ADCY8: variants seen among roughly 807,000 people sequenced by gnomAD.
ADCY8 encodes the protein adenylate cyclase 8.
Under a neutral mutation model 119.7 loss-of-function variants are expected in ADCY8, and 51 were observed. The observed-to-expected ratio is 0.43, with a 90% CI of 0.34 to 0.54. ADCY8 has a LOEUF of 0.54. Ranked by LOEUF, ADCY8 falls within the 20% of genes least tolerant of loss-of-function variation. The pLI, the probability that ADCY8 is intolerant of heterozygous loss-of-function variation, is 0.03. For synonymous variants in ADCY8, 665 were observed against 651.0 expected (o/e 1.02, Z -0.33); for missense variants, 1,383 against 1,598.8 (o/e 0.87, Z 2.30).
chr8:131,016,949 C>T lies in ADCY8; in HGVS notation c.960+22425G>A, dbSNP rs138281701. ...GAACTCTTCCTGAAGTTTCTTTAGC[C>T]CTAAGAGTAACTCTCCTATTCCTAT... is the stretch of plus-strand genomic sequence containing the variant. On this transcript the variant is annotated intron_variant, in intron 1 of 17. Transcript: ENST00000286355. 4.6e-5 allele frequency among the ~76,000 whole-genome samples: 7 copies of T among 152,028 alleles called. No individual in the cohort carries two copies. In the East Asian group the frequency reaches 1.4e-3, roughly 29 times the overall value.
At chr8:130,909,641 A>G (rs769238211) in intron 6 of ADCY8, 67 bp downstream of exon 6, 17 of 1,581,122 alleles carry the variant, frequency 1.1e-5, no homozygotes, top group East Asian at 2.2e-5. Context: ...TGTACACAGG[A>G]AACCCACTGT....
At position 130,807,233 on chromosome 8, in the gene ADCY8, C is replaced by T. The variant is rs10104692; in HGVS notation, c.2914-6661G>A. On this transcript the variant is annotated intron_variant, in intron 14 of 17. Transcript: ENST00000286355. The stretch of plus-strand genomic sequence containing the variant: ...CCTGCTCAAGCAACTCCAAGTCCTG[C>T]GTTGCTTATACCAAGTTAAGCCACC... 9.9e-3 allele frequency among the ~76,000 whole-genome samples: 1,504 copies of T among 152,322 alleles called. 24 individuals are homozygous for T. Among genetic ancestry groups the T allele is most frequent in the African/African-American group, 0.034 (1,413 of 41,572 alleles).
intron 10 of ADCY8, 147 bp downstream of exon 10, chr8:130,849,455 G>A: frequency 1.3e-6 from 1 of 788,132 alleles, no homozygotes; most frequent in Non-Finnish European, 2.0e-6. Flanking sequence ...CCACATCTTT[G>A]TTATCTGTCC....
chr8:130,887,244 T>C (rs1819021083), intron 7 of ADCY8, among the ~76,000 whole-genome samples: 1 of 152,130 alleles, frequency 6.6e-6, no homozygotes. Flanking sequence ...GCCACTTCTG[T>C]AGGATACAGA....
chr8:130,886,373 G>T (rs1034154673), intron 7 of ADCY8, among the ~76,000 whole-genome samples: 1 of 152,056 alleles, frequency 6.6e-6, no homozygotes, highest in African/African-American at 2.4e-5. Flanking sequence ...AGAAGGGCTG[G>T]AGCAGAGACA....
intron 14 of ADCY8, among the ~76,000 whole-genome samples, chr8:130,807,967 G>A (rs1283661039): frequency 2.5e-5 from 2 of 81,302 alleles, no homozygotes; most frequent in African/African-American, 8.3e-5. Flanking sequence ...CTGGGTGACA[G>A]AGCGAGACTC....
chr8:130,841,654 C>T (rs140093999), intron 11 of ADCY8, among the ~76,000 whole-genome samples: 243 of 152,288 alleles, frequency 1.6e-3, no homozygotes, highest in Admixed American at 4.2e-3. Flanking sequence ...TGATAACTGA[C>T]GAGGGAATTG....
At chr8:130,963,335 T>G (rs1586611198) in intron 2 of ADCY8, among the ~76,000 whole-genome samples, 1 of 152,086 alleles carries the variant, frequency 6.6e-6, no homozygotes, top group Non-Finnish European at 1.5e-5. Flanking sequence ...AAATGGTCAA[T>G]GAAGAAATTT....
rs1816258987 is a variant in ADCY8, at chr8:130,814,063, G to T, written c.2913+6C>A. On this transcript the variant is annotated splice_donor_region_variant and intron_variant, in intron 14 of 17. Transcript: ENST00000286355. ...TTCTCACTGGCTAGACCAGCCCCTGGCTCACCTCATTGTCTCGGTCCTTCT... is the reference window on the plus strand; with the variant it reads ...TTCTCACTGGCTAGACCAGCCCCTGTCTCACCTCATTGTCTCGGTCCTTCT... The T allele has an allele frequency of 1.2e-6, 2 of 1,614,004 alleles. No homozygotes were observed. The highest frequency in any genetic ancestry group is 1.7e-6 in the Non-Finnish European group (2 of 1,179,988).
At position 130,921,211 on chromosome 8, in the gene ADCY8, G is replaced by A. The variant is rs1820291353; in HGVS notation, c.1482-11345C>T. On this transcript the variant is annotated intron_variant, in intron 5 of 17. Transcript: ENST00000286355. The stretch of plus-strand genomic sequence containing the variant: ...TAAAACTACTCAATTTCATCACAGA[G>A]CTTTATGTCCTTTCTTTTTATAAAA... Among the ~76,000 whole-genome samples the A allele has an allele frequency of 2.0e-5, 3 of 152,192 alleles. No homozygotes were observed. In the South Asian group the frequency reaches 6.2e-4, roughly 32 times the overall value.
rs868415008 is a variant in ADCY8 at position 130,922,116 on chromosome 8, C to T, written c.1482-12250G>A. ...CCTGTGCCTCCTTGCGCTTTCACAG[C>T]GAGTCTCCAGCAGCAGTAAGTCTCT... On this transcript the variant is annotated intron_variant, in intron 5 of 17. Coordinates refer to ENST00000286355, the MANE Select transcript of ADCY8 (RefSeq NM_001115.3). 5.3e-5 allele frequency among the ~76,000 whole-genome samples: 8 copies of T among 152,008 alleles called. No individual in the cohort carries two copies. In the South Asian group the frequency reaches 1.0e-3, roughly 20 times the overall value.
chr8:130,855,819 TCTC>T (rs1817713268), intron 9 of ADCY8, among the ~76,000 whole-genome samples: 1 of 151,960 alleles, frequency 6.6e-6, no homozygotes, highest in African/African-American at 2.4e-5. Context: ...GCCACTCTCT[TCTC>T]CTTATTATTT....
chr8:130,961,946 G>A (rs2130684976), intron 2 of ADCY8, among the ~76,000 whole-genome samples: 1 of 152,284 alleles, frequency 6.6e-6, no homozygotes, highest in East Asian at 1.9e-4. Flanking sequence ...CCGTACTCCA[G>A]CCTGGGCAAC....
chr8:130,816,427 C>CTTTTTCTT (rs1554603279), intron 13 of ADCY8, among the ~76,000 whole-genome samples: 4 of 121,194 alleles, frequency 3.3e-5, no homozygotes, highest in Non-Finnish European at 6.4e-5. Context: ...ATTTTTTTTT[C>CTTTTTCTT]TTTTTTTTTT....
At chr8:130,812,320 C>T (rs1816194262) in intron 14 of ADCY8, among the ~76,000 whole-genome samples, 1 of 152,196 alleles carries the variant, frequency 6.6e-6, no homozygotes, top group Non-Finnish European at 1.5e-5. Context: ...TCTCACCATA[C>T]AACCCTTCCT....
chr8:130,917,361 A>C (rs879913863), intron 5 of ADCY8, among the ~76,000 whole-genome samples: 1 of 152,228 alleles, frequency 6.6e-6, no homozygotes, highest in African/African-American at 2.4e-5. Flanking sequence ...CAACCAAGGA[A>C]GCTGGAGCCC....
intron 13 of ADCY8, among the ~76,000 whole-genome samples, chr8:130,820,789 A>G (rs1816484472): frequency 6.6e-6 from 1 of 152,228 alleles, no homozygotes; most frequent in African/African-American, 2.4e-5. Context: ...CAGATCTGTA[A>G]CGAAGTCTTT....
chr8:130,829,182 G>T (rs545562501), intron 12 of ADCY8, among the ~76,000 whole-genome samples: 12 of 152,282 alleles, frequency 7.9e-5, no homozygotes, highest in African/African-American at 2.4e-4. Flanking sequence ...CCAGTTTATC[G>T]ATCTGGGTAG....
At chr8:130,993,982 G>T (rs890985693) in intron 1 of ADCY8, among the ~76,000 whole-genome samples, 1 of 152,286 alleles carries the variant, frequency 6.6e-6, no homozygotes, top group South Asian at 2.1e-4. Flanking sequence ...TCAAAGAAAT[G>T]CTTCAGGATC....
Sources: allele counts gnomAD v4.1 joint callset (sites outside exome capture counted in the v4.1 genomes callset), GRCh38; gene constraint gnomAD v4.1.1; transcripts MANE v1.5; gene names NCBI Gene and HGNC (gene_info 2026-07-23, HGNC 2026-07-21).